INO80D: variants seen among roughly 807,000 people sequenced by gnomAD.
The protein encoded by INO80D is INO80 complex subunit D.
Under a neutral mutation model 87.6 loss-of-function variants are expected in INO80D, and 21 were observed. The observed-to-expected ratio is 0.24, with a 90% CI of 0.17 to 0.35. The LOEUF is 0.35. INO80D is among the 10% of genes least tolerant of loss of function. The pLI is 1.00. For missense variants in INO80D, 982 were observed against 1,280.7 expected (o/e 0.77, Z 3.56); for synonymous variants, 440 against 491.0 (o/e 0.90, Z 1.37).
At chr2:206,072,511 C>T (rs1690001660) in intron 1 of INO80D, among the ~76,000 whole-genome samples, 1 of 152,078 alleles carries the variant, frequency 6.6e-6, no homozygotes, top group Non-Finnish European at 1.5e-5. Flanking sequence ...TTCCTGTCCT[C>T]AGGTGATCCA....
At chr2:206,009,360 C>T (rs1205893967) in intron 9 of INO80D, among the ~76,000 whole-genome samples, 5 of 149,156 alleles carry the variant, frequency 3.4e-5, no homozygotes, top group African/African-American at 9.8e-5. Context: ...GTCAGTTTCG[C>T]GTCTGTTCTC....
rs1264330549 is a variant in INO80D at position 206,085,031 on chromosome 2, T to G, written c.-124+870A>C. On this transcript the variant is annotated intron_variant, in intron 1 of 10. Transcript: ENST00000403263. The surrounding 1 kb of genome is among the most constrained non-coding windows in gnomAD (Gnocchi z 4.5). ...AGTTGGGTGGGGCGCGGGCGAGGGG[T>G]GCAGGGGCGGAGTACCTTCTTCAAT... is the stretch of plus-strand genomic sequence containing the variant. Among the ~76,000 whole-genome samples the G allele has an allele frequency of 1.3e-5, 2 of 151,108 alleles. No homozygotes were observed. The highest frequency in any genetic ancestry group is 2.9e-5 in the Non-Finnish European group (2 of 67,800).
intron 5 of INO80D, chr2:206,040,434 G>C (rs1689016834): frequency 5.0e-6 from 1 of 199,542 alleles, no homozygotes; most frequent in African/African-American, 2.4e-5. Flanking sequence ...CTGTCAAAAT[G>C]GGCAAGTGCA....
intron 5 of INO80D, among the ~76,000 whole-genome samples, chr2:206,037,216 T>C (rs1219642538): frequency 1.3e-5 from 2 of 152,202 alleles, no homozygotes. Context: ...AATACAGATA[T>C]TGTTATTACT....
intron 1 of INO80D, among the ~76,000 whole-genome samples, chr2:206,069,755 A>C (rs1198911929): frequency 1.3e-5 from 2 of 152,200 alleles, no homozygotes; most frequent in East Asian, 3.8e-4. Context: ...TAAACGAGAA[A>C]AATTTCCAGA....
At chr2:206,047,055 AG>A in intron 4 of INO80D, among the ~76,000 whole-genome samples, 1 of 152,336 alleles carries the variant, frequency 6.6e-6, no homozygotes, top group African/African-American at 2.4e-5. Context: ...TTGGGATTAC[AG>A]GCGTGAGCCA....
At chr2:206,058,441 A>AAC (rs1689590761) in intron 3 of INO80D, among the ~76,000 whole-genome samples, 1 of 123,546 alleles carries the variant, frequency 8.1e-6, no homozygotes, top group Non-Finnish European at 1.8e-5. Context: ...AAAAAAAAAA[A>AAC]ACCTATAAAA....
chr2:206,013,714 C>A, intron 8 of INO80D, among the ~76,000 whole-genome samples: 1 of 151,888 alleles, frequency 6.6e-6, no homozygotes, highest in South Asian at 2.1e-4. Context: ...CAGCTGGGAT[C>A]ATTTATTTCG....
chr2:206,081,660 G>A (rs537762476), intron 1 of INO80D, among the ~76,000 whole-genome samples: 12 of 151,892 alleles, frequency 7.9e-5, no homozygotes, highest in South Asian at 2.1e-4. Flanking sequence ...GCACACCTGA[G>A]GTGGGAGGAT....
At chr2:206,080,906 A>AG (rs1161618466) in intron 1 of INO80D, among the ~76,000 whole-genome samples, 2 of 148,844 alleles carry the variant, frequency 1.3e-5, no homozygotes, top group Non-Finnish European at 3.0e-5. Flanking sequence ...CAGTCTCAAA[A>AG]AAAAAAAAAA....
chr2:206,075,153 G>A (rs1690078607), intron 1 of INO80D, among the ~76,000 whole-genome samples: 1 of 151,966 alleles, frequency 6.6e-6, no homozygotes, highest in Admixed American at 6.6e-5. Flanking sequence ...TAAGACATTA[G>A]CAAGGAGAAA....
rs1272739551 is a variant in INO80D, at chr2:206,002,244, C to T, written c.*2124G>A. 1 of 152,118 alleles carries T rather than the reference C, an allele frequency of 6.6e-6. No individual in the cohort carries two copies. The highest frequency in any genetic ancestry group is 1.9e-4 in the East Asian group (1 of 5,204). The allele number at this position is 152,118 out of a possible 1,614,324, so 9.4% of individuals were successfully genotyped here. On this transcript the variant is annotated 3_prime_UTR_variant, in exon 11 of 11. Transcript: ENST00000403263. ...AAATGACATTTTTGAGCCGAGGTAA[C>T]TACTCGTGACCACTTCATTACAGTA... is the stretch of plus-strand genomic sequence containing the variant.
chr2:206,059,273 T>C (rs1689620505), intron 3 of INO80D, among the ~76,000 whole-genome samples: 1 of 151,750 alleles, frequency 6.6e-6, no homozygotes, highest in Non-Finnish European at 1.5e-5. Context: ...TCCAGCTACT[T>C]GGGAAGCTGA....
At chr2:206,045,377 G>A (rs1393340785) in intron 5 of INO80D, among the ~76,000 whole-genome samples, 1 of 152,114 alleles carries the variant, frequency 6.6e-6, no homozygotes, top group Non-Finnish European at 1.5e-5. Flanking sequence ...ATCACAGATA[G>A]CTGATCTCCC....
At chr2:206,065,241 C>T (rs777188097) in intron 1 of INO80D, among the ~76,000 whole-genome samples, 61 of 152,196 alleles carry the variant, frequency 4.0e-4, no homozygotes, top group Admixed American at 9.2e-4. Flanking sequence ...GAGGCCGAGG[C>T]AGGCGGATCA....
At chr2:206,010,491 C>T (rs748945415) in intron 8 of INO80D, among the ~76,000 whole-genome samples, 5 of 152,206 alleles carry the variant, frequency 3.3e-5, no homozygotes, top group Admixed American at 6.5e-5. Context: ...GAAAGTACCG[C>T]ATCACTGGCA....
chr2:206,008,904 CA>C (rs1688097363), intron 9 of INO80D, among the ~76,000 whole-genome samples: 1 of 152,154 alleles, frequency 6.6e-6, no homozygotes, highest in South Asian at 2.1e-4. Context: ...TTAGCTAAAA[CA>C]AAAGCTTCAT....
chr2:206,050,496 G>GAAAAAAAAAAAAAAA (rs3079265), intron 4 of INO80D, among the ~76,000 whole-genome samples: 3 of 99,544 alleles, frequency 3.0e-5, no homozygotes, highest in East Asian at 3.6e-4. Context: ...CGTCTCAAAA[G>GAAAAAAAAAAAAAAA]AAAAAAAAAA....
At chr2:206,025,542 A>AAAAATATATATATATATAT (rs71301548) in intron 6 of INO80D, 2 of 76,938 alleles carry the variant, frequency 2.6e-5, no homozygotes, top group South Asian at 6.5e-4. Context: ...AAAAAAAAAA[A>AAAAATATATATATATATAT]ATATATATAT....
Sources: allele counts gnomAD v4.1 joint callset (sites outside exome capture counted in the v4.1 genomes callset), GRCh38; gene constraint gnomAD v4.1.1; non-coding constraint Gnocchi (gnomAD v3.1); transcripts MANE v1.5; gene names NCBI Gene and HGNC (gene_info 2026-07-23, HGNC 2026-07-21).